BAZ2B: variants seen among roughly 807,000 people sequenced by gnomAD.
BAZ2B encodes bromodomain adjacent to zinc finger domain 2B.
A neutral mutation model predicts 246.0 loss-of-function variants in BAZ2B; 91 were observed. The ratio of observed to expected loss-of-function variants is 0.37; its 90% CI spans 0.31 to 0.44. BAZ2B has a LOEUF of 0.44. BAZ2B is among the 20% of genes least tolerant of loss of function. The pLI is 1.00. For missense variants in BAZ2B, 2,332 were observed against 2,533.7 expected (o/e 0.92, Z 1.71); for synonymous variants, 855 against 860.0 (o/e 0.99, Z 0.10).
intron 1 of BAZ2B, among the ~76,000 whole-genome samples, chr2:159,562,871 T>C (rs1236000188): frequency 4.6e-5 from 7 of 152,104 alleles, no homozygotes; most frequent in Admixed American, 2.0e-4. Flanking sequence ...CCTCGCAAGA[T>C]TGCTTTTTTT....
At chr2:159,555,928 A>C (rs1321496525) in intron 1 of BAZ2B, 63 bp from the exon 2 acceptor site, 1 of 152,224 alleles carries the variant, frequency 6.6e-6, no homozygotes, top group Non-Finnish European at 1.5e-5. Flanking sequence ...TCAGAAACTA[A>C]AAAGTTTGTT....
At chr2:159,424,244 A>C (rs2069348190) in intron 13 of BAZ2B, among the ~76,000 whole-genome samples, 1 of 152,190 alleles carries the variant, frequency 6.6e-6, no homozygotes, top group Admixed American at 6.5e-5. Context: ...AAATACTGAT[A>C]GGCTGTTGCT....
chr2:159,537,952 G>A, intron 2 of BAZ2B, among the ~76,000 whole-genome samples: 1 of 152,074 alleles, frequency 6.6e-6, no homozygotes, highest in Non-Finnish European at 1.5e-5. Context: ...GTCTTCTGTA[G>A]GAAGAGGCTG....
At chr2:159,668,763 T>C in the BAZ2B span, among the ~76,000 whole-genome samples, 9 of 152,260 alleles carry the variant, frequency 5.9e-5, no homozygotes, top group African/African-American at 2.2e-4. Context: ...TAGAGCTTTG[T>C]TTTCTAATTT....
chr2:159,704,136 C>G, the BAZ2B span, among the ~76,000 whole-genome samples: 1 of 152,086 alleles, frequency 6.6e-6, no homozygotes, highest in Non-Finnish European at 1.5e-5. Context: ...TGGTAAGAAA[C>G]TTAGAATGGA....
At chr2:159,564,937 C>T (rs1432502730) in intron 1 of BAZ2B, among the ~76,000 whole-genome samples, 1 of 152,208 alleles carries the variant, frequency 6.6e-6, no homozygotes, top group Non-Finnish European at 1.5e-5. Context: ...GTGGTACGAT[C>T]TTGGCTCACT....
chr2:159,606,038 A>T (rs1693414596), intron 1 of BAZ2B, among the ~76,000 whole-genome samples: 1 of 152,186 alleles, frequency 6.6e-6, no homozygotes, highest in South Asian at 2.1e-4. Flanking sequence ...CAAATCCCCA[A>T]GGCATGATTA....
chr2:159,328,069 C>CAAAAAAAAAAAAAAAAAA (rs1558959778), intron 34 of BAZ2B, among the ~76,000 whole-genome samples: 1 of 111,524 alleles, frequency 9.0e-6, no homozygotes, highest in Non-Finnish European at 1.8e-5. Flanking sequence ...AGCCTCAAAA[C>CAAAAAAAAAAAAAAAAAA]GAAAAAAAAA....
intron 27 of BAZ2B, among the ~76,000 whole-genome samples, chr2:159,351,611 A>G (rs1294303614): frequency 6.6e-6 from 1 of 152,192 alleles, no homozygotes; most frequent in African/African-American, 2.4e-5. Flanking sequence ...TACACCCTCA[A>G]TGAAACTGGA....
chr2:159,501,803 G>T (rs2081876350), intron 2 of BAZ2B, among the ~76,000 whole-genome samples: 1 of 152,016 alleles, frequency 6.6e-6, no homozygotes, highest in Non-Finnish European at 1.5e-5. Context: ...TCAACTCTTA[G>T]GTAGAATTCT....
the BAZ2B span, among the ~76,000 whole-genome samples, chr2:159,634,864 T>C: frequency 6.6e-6 from 1 of 152,248 alleles, no homozygotes; most frequent in African/African-American, 2.4e-5. Context: ...TTAAAATTAC[T>C]TTTTAAAACT....
At chr2:159,473,925 A>C (rs2078158793) in intron 3 of BAZ2B, among the ~76,000 whole-genome samples, 3 of 152,070 alleles carry the variant, frequency 2.0e-5, no homozygotes, top group Admixed American at 2.0e-4. Flanking sequence ...GGTCTGAGAG[A>C]CTGTTTGTTA....
Position 159,355,279 on chromosome 2 carries a change from T to C in BAZ2B, c.4214-4922A>G, listed in dbSNP as rs144006660. On this transcript the variant is annotated intron_variant, in intron 27 of 36. Coordinates refer to ENST00000392783, the MANE Select transcript of BAZ2B (RefSeq NM_013450.4). ...TAAACCTTAGGAGTACTCGCAGAGC[T>C]TTCCCATCTTCAGTTGACAGTGTTA... Among the ~76,000 whole-genome samples the C allele has an allele frequency of 2.0e-5, 3 of 152,260 alleles. No individual in the cohort carries two copies. The East Asian group carries it at 5.8e-4, about 29-fold the overall frequency.
At chr2:159,589,278 T>C (rs1330439485) in intron 1 of BAZ2B, among the ~76,000 whole-genome samples, 1 of 152,154 alleles carries the variant, frequency 6.6e-6, no homozygotes, top group Admixed American at 6.5e-5. Flanking sequence ...AGAATCATAA[T>C]TTATGGGTCT....
chr2:159,631,298 A>G, the BAZ2B span, among the ~76,000 whole-genome samples: 3 of 152,362 alleles, frequency 2.0e-5, no homozygotes, highest in South Asian at 6.2e-4. Flanking sequence ...CTGAATTTAA[A>G]ATGTATGTAT....
At chr2:159,526,996 T>C (rs2084820650) in intron 2 of BAZ2B, among the ~76,000 whole-genome samples, 1 of 152,044 alleles carries the variant, frequency 6.6e-6, no homozygotes, top group Non-Finnish European at 1.5e-5. Context: ...AGAGTGGTTG[T>C]ACCATTTTAC....
At chr2:159,507,421 G>A (rs1180070964) in intron 2 of BAZ2B, among the ~76,000 whole-genome samples, 1 of 152,066 alleles carries the variant, frequency 6.6e-6, no homozygotes, top group African/African-American at 2.4e-5. Flanking sequence ...TCCAAGTTTT[G>A]GGTGAAAACT....
chr2:159,585,156 G>A (rs543060466), intron 1 of BAZ2B, among the ~76,000 whole-genome samples: 27 of 152,188 alleles, frequency 1.8e-4, no homozygotes, highest in Non-Finnish European at 1.2e-4. Context: ...TCACTAAGAT[G>A]GGGAAGACTG....
intron 2 of BAZ2B, among the ~76,000 whole-genome samples, chr2:159,528,099 G>T (rs2084947942): frequency 6.6e-6 from 1 of 152,152 alleles, no homozygotes; most frequent in African/African-American, 2.4e-5. Flanking sequence ...CCCTGTAAAT[G>T]AGATTAAATT....
Sources: allele counts gnomAD v4.1 joint callset (sites outside exome capture counted in the v4.1 genomes callset), GRCh38; gene constraint gnomAD v4.1.1; transcripts MANE v1.5; gene names NCBI Gene and HGNC (gene_info 2026-07-23, HGNC 2026-07-21).